The following CLVS1 variants were observed in gnomAD, a reference collection of about 807,000 sequenced individuals.
CLVS1 encodes the protein clavesin 1.
Under a neutral mutation model 33.1 loss-of-function variants are expected in CLVS1, and 10 were observed. The ratio of observed to expected loss-of-function variants is 0.30; its 90% CI spans 0.19 to 0.51. The LOEUF is 0.51. Among genes scored for constraint, CLVS1 ranks in the 20% least tolerant of loss-of-function variants. The pLI is 0.97. For missense variants in CLVS1, 343 were observed against 433.4 expected (o/e 0.79, Z 1.85); for synonymous variants, 163 against 166.1 (o/e 0.98, Z 0.14).
At chr8:61,154,468 G>A (rs1355093613) in intron 2 of CLVS1, among the ~76,000 whole-genome samples, 2 of 151,878 alleles carry the variant, frequency 1.3e-5, no homozygotes, top group Non-Finnish European at 2.9e-5. Context: ...TAGGGAGTGG[G>A]AAGAAAAAAA....
intron 5 of CLVS1, among the ~76,000 whole-genome samples, chr8:61,469,922 G>T (rs185134209): frequency 1.3e-5 from 2 of 152,102 alleles, no homozygotes; most frequent in Non-Finnish European, 2.9e-5. Flanking sequence ...TAGTTTTGGC[G>T]TCTCACTGCT....
At chr8:61,125,852 T>C (rs796812650) in intron 1 of CLVS1, among the ~76,000 whole-genome samples, 3 of 152,224 alleles carry the variant, frequency 2.0e-5, no homozygotes, top group African/African-American at 7.2e-5. Flanking sequence ...ATAATGTATT[T>C]TAGTTTGATT....
intron 2 of CLVS1, among the ~76,000 whole-genome samples, chr8:61,243,604 A>G (rs1379662146): frequency 6.6e-6 from 1 of 152,224 alleles, no homozygotes; most frequent in Non-Finnish European, 1.5e-5. Flanking sequence ...TATTTCATCC[A>G]AGGTGATAAA....
the CLVS1 span, among the ~76,000 whole-genome samples, chr8:61,007,406 T>G: frequency 6.6e-6 from 1 of 152,200 alleles, no homozygotes; most frequent in Non-Finnish European, 1.5e-5. Context: ...GATTTGGCTA[T>G]TTGTAGTATT....
chr8:61,118,326 C>G (rs919569899), intron 1 of CLVS1, among the ~76,000 whole-genome samples: 15 of 152,072 alleles, frequency 9.9e-5, no homozygotes, highest in Admixed American at 7.2e-4. Flanking sequence ...AACACCAGCT[C>G]CTGGGTTCAT....
At chr8:61,376,238 G>A (rs1049507561) in intron 2 of CLVS1, among the ~76,000 whole-genome samples, 4 of 152,144 alleles carry the variant, frequency 2.6e-5, no homozygotes, top group Non-Finnish European at 5.9e-5. Context: ...TGATTATGGC[G>A]CAATCCCTAC....
At chr8:61,279,348 C>T (rs1013383215) in intron 2 of CLVS1, among the ~76,000 whole-genome samples, 1 of 152,202 alleles carries the variant, frequency 6.6e-6, no homozygotes, top group African/African-American at 2.4e-5. Flanking sequence ...AACTCTGCCC[C>T]TCTCTGCCTC....
At chr8:61,404,327 C>T (rs1814894568) in intron 3 of CLVS1, among the ~76,000 whole-genome samples, 1 of 152,060 alleles carries the variant, frequency 6.6e-6, no homozygotes, top group African/African-American at 2.4e-5. Flanking sequence ...GGGCAAAGAC[C>T]TTATATTTTT....
intron 2 of CLVS1, among the ~76,000 whole-genome samples, chr8:61,321,754 A>G (rs1811201422): frequency 6.6e-6 from 1 of 151,990 alleles, no homozygotes; most frequent in Non-Finnish European, 1.5e-5. Flanking sequence ...AAATTAGTAA[A>G]TTTTATTTTA....
intron 3 of CLVS1, among the ~76,000 whole-genome samples, chr8:61,421,697 G>T (rs745543367): frequency 6.6e-6 from 1 of 152,206 alleles, no homozygotes; most frequent in Non-Finnish European, 1.5e-5. Context: ...TTCCTTATAG[G>T]ACCAACTTCA....
rs1219780924 is a variant in CLVS1, at chr8:61,500,345, T to G, written c.*803T>G. ...AAATCACATGTCAGTGATTAATGAATCCATTCCAGTTGCCTCAACTGGGTC... is the reference window on the plus strand; with the variant it reads ...AAATCACATGTCAGTGATTAATGAAGCCATTCCAGTTGCCTCAACTGGGTC... On this transcript the variant is annotated 3_prime_UTR_variant, in exon 6 of 6. Transcript: ENST00000325897. 1 of 152,190 alleles carries G rather than the reference T, an allele frequency of 6.6e-6. No individual in the cohort carries two copies. Among genetic ancestry groups the G allele is most frequent in the East Asian group, 1.9e-4 (1 of 5,196 alleles). 9.4% of individuals were successfully genotyped at this position (152,190 alleles called of 1,614,324 possible).
At chr8:61,477,654 T>C (rs1221363277) in intron 5 of CLVS1, among the ~76,000 whole-genome samples, 1 of 152,190 alleles carries the variant, frequency 6.6e-6, no homozygotes, top group Non-Finnish European at 1.5e-5. Flanking sequence ...ATCCCCTTTG[T>C]CATTTTTTAT....
the CLVS1 span, among the ~76,000 whole-genome samples, chr8:61,031,889 A>G: frequency 6.6e-6 from 1 of 152,350 alleles, no homozygotes; most frequent in East Asian, 1.9e-4. Flanking sequence ...GGGAGAAGTT[A>G]CAACATTAAG....
the CLVS1 span, among the ~76,000 whole-genome samples, chr8:61,012,969 G>T: frequency 1.3e-5 from 2 of 152,180 alleles, no homozygotes; most frequent in Non-Finnish European, 2.9e-5. Context: ...ACTTCCTGCC[G>T]GAGGGAAACT....
chr8:61,245,270 C>T (rs1360891499), intron 2 of CLVS1, among the ~76,000 whole-genome samples: 1 of 152,088 alleles, frequency 6.6e-6, no homozygotes, highest in Non-Finnish European at 1.5e-5. Flanking sequence ...GCAACCTCTG[C>T]CTCCTGAGTT....
chr8:61,369,329 T>C (rs1813341901), intron 2 of CLVS1, among the ~76,000 whole-genome samples: 1 of 152,212 alleles, frequency 6.6e-6, no homozygotes, highest in Non-Finnish European at 1.5e-5. Flanking sequence ...TTCTTTCTCC[T>C]TGATTACCTC....
At chr8:61,008,323 A>G in the CLVS1 span, among the ~76,000 whole-genome samples, 3 of 152,316 alleles carry the variant, frequency 2.0e-5, no homozygotes, top group South Asian at 6.2e-4. Flanking sequence ...TGCCTTCAGT[A>G]GAGATAAAAT....
At chr8:61,405,590 A>G (rs1814954575) in intron 3 of CLVS1, among the ~76,000 whole-genome samples, 1 of 152,208 alleles carries the variant, frequency 6.6e-6, no homozygotes, top group African/African-American at 2.4e-5. Context: ...CCTAAGTAAC[A>G]TAACAGGGCC....
intron 1 of CLVS1, among the ~76,000 whole-genome samples, chr8:61,095,779 C>CT (rs998250760): frequency 3.5e-4 from 54 of 152,208 alleles, no homozygotes; most frequent in Middle Eastern, 6.8e-3. Flanking sequence ...TTTTTAATGC[C>CT]TTAAGACGTT....
Sources: allele counts gnomAD v4.1 joint callset (sites outside exome capture counted in the v4.1 genomes callset), GRCh38; gene constraint gnomAD v4.1.1; transcripts MANE v1.5; gene names NCBI Gene and HGNC (gene_info 2026-07-23, HGNC 2026-07-21).